The following CCDC30 variants were observed in gnomAD, a reference collection of about 807,000 sequenced individuals.
The protein encoded by CCDC30 is coiled-coil domain-containing protein 30.
In CCDC30, 70 loss-of-function variants were observed where a neutral mutation model predicts 100.2. The observed-to-expected ratio is 0.70, with a 90% CI of 0.58 to 0.85. The LOEUF is 0.85. Among genes scored for constraint, CCDC30 ranks in the 40% least tolerant of loss-of-function variants. The pLI is 0.00. For missense variants in CCDC30, 652 were observed against 771.2 expected (o/e 0.85, Z 1.83); for synonymous variants, 233 against 269.5 (o/e 0.86, Z 1.33).
chr1:42,569,417 C>T (rs1206637538), intron 7 of CCDC30, among the ~76,000 whole-genome samples: 1 of 152,116 alleles, frequency 6.6e-6, no homozygotes, highest in Admixed American at 6.5e-5. Flanking sequence ...CAAATCAAAA[C>T]CACAATGAGA....
chr1:42,516,652 A>G (rs746888376), intron 6 of CCDC30, among the ~76,000 whole-genome samples: 1 of 148,230 alleles, frequency 6.7e-6, no homozygotes, highest in Non-Finnish European at 1.5e-5. Context: ...TCTTGCTCAT[A>G]TCTGCTCCTC....
chr1:42,463,008 C>A (rs540286067), upstream of CCDC30, among the ~76,000 whole-genome samples: 1 of 151,390 alleles, frequency 6.6e-6, no homozygotes, highest in South Asian at 2.1e-4. Context: ...TGAGTCCTGG[C>A]GGGAAGTTCT....
chr1:42,557,545 T>C (rs1436683312), intron 6 of CCDC30, among the ~76,000 whole-genome samples: 1 of 150,618 alleles, frequency 6.6e-6, no homozygotes, highest in East Asian at 1.9e-4. Context: ...AACTTGCCAT[T>C]GGGACCAGTA....
At chr1:42,569,509 A>C (rs1253606615) in intron 7 of CCDC30, among the ~76,000 whole-genome samples, 1 of 152,190 alleles carries the variant, frequency 6.6e-6, no homozygotes, top group African/African-American at 2.4e-5. Context: ...TGAAATAGGA[A>C]CGCTTTTACA....
intron 6 of CCDC30, among the ~76,000 whole-genome samples, chr1:42,516,217 G>T (rs1644552346): frequency 6.6e-6 from 1 of 152,046 alleles, no homozygotes; most frequent in South Asian, 2.1e-4. Context: ...GTTGTTGTCT[G>T]TTTTTTTCAT....
chr1:42,482,686 A>G, exon 3 of CCDC30: 1 of 1,234,030 alleles, frequency 8.1e-7, no homozygotes, highest in Non-Finnish European at 1.0e-6. Flanking sequence ...ACCTGGAAAA[A>G]GACAAAACAT....
chr1:42,512,390 G>C (rs1018113551), intron 6 of CCDC30, among the ~76,000 whole-genome samples: 13 of 152,186 alleles, frequency 8.5e-5, no homozygotes, highest in African/African-American at 3.1e-4. Flanking sequence ...GGCAGAGAGT[G>C]ACCTGGAAAT....
intron 6 of CCDC30, among the ~76,000 whole-genome samples, chr1:42,525,560 G>T (rs1026625004): frequency 1.3e-5 from 2 of 151,958 alleles, no homozygotes; most frequent in African/African-American, 4.8e-5. Flanking sequence ...TCTATTCACT[G>T]ATTTTTTTCC....
At chr1:42,546,442 A>ATATG in intron 6 of CCDC30, among the ~76,000 whole-genome samples, 1 of 120,802 alleles carries the variant, frequency 8.3e-6, no homozygotes, top group African/African-American at 2.9e-5. Context: ...ATATATATAT[A>ATATG]GTATTCTAAT....
intron 6 of CCDC30, among the ~76,000 whole-genome samples, chr1:42,528,185 G>T (rs1416942503): frequency 6.6e-6 from 1 of 152,152 alleles, no homozygotes; most frequent in Non-Finnish European, 1.5e-5. Flanking sequence ...TTTTCTAGTG[G>T]CAATGAAGTC....
chr1:42,507,671 G>A (rs1644416205), intron 6 of CCDC30, among the ~76,000 whole-genome samples: 2 of 152,124 alleles, frequency 1.3e-5, no homozygotes, highest in African/African-American at 4.8e-5. Flanking sequence ...TAACTTTAAT[G>A]TGAAACCTGG....
intron 12 of CCDC30, among the ~76,000 whole-genome samples, chr1:42,637,677 A>G (rs1647186850): frequency 6.6e-6 from 1 of 152,134 alleles, no homozygotes; most frequent in Non-Finnish European, 1.5e-5. Flanking sequence ...AGACTTCCAA[A>G]CCACTCTCAG....
At chr1:42,538,143 T>G (rs1644940860) in intron 6 of CCDC30, among the ~76,000 whole-genome samples, 1 of 97,242 alleles carries the variant, frequency 1.0e-5, no homozygotes, top group Non-Finnish European at 1.8e-5. Context: ...TGGGACACTG[T>G]CTCCACAAAA....
At chr1:42,471,671 C>G (rs1458770576) in intron 1 of CCDC30, among the ~76,000 whole-genome samples, 1 of 151,980 alleles carries the variant, frequency 6.6e-6, no homozygotes, top group African/African-American at 2.4e-5. Context: ...GAGTGGGGAC[C>G]AGGTGAAGGA....
At chr1:42,517,810 A>G (rs1478049803) in intron 6 of CCDC30, among the ~76,000 whole-genome samples, 2 of 152,136 alleles carry the variant, frequency 1.3e-5, no homozygotes, top group Non-Finnish European at 2.9e-5. Flanking sequence ...TGGGATGTCT[A>G]TTGTATTCCC....
chr1:42,638,757 T>C (rs1647213930), intron 12 of CCDC30, among the ~76,000 whole-genome samples: 1 of 152,034 alleles, frequency 6.6e-6, no homozygotes, highest in Non-Finnish European at 1.5e-5. Context: ...ATGCCTGTAA[T>C]TCCAGCTACT....
intron 6 of CCDC30, among the ~76,000 whole-genome samples, chr1:42,505,171 C>T (rs1372051588): frequency 6.6e-6 from 1 of 152,092 alleles, no homozygotes; most frequent in East Asian, 1.9e-4. Context: ...TAGAATTTCC[C>T]TTTTGGAAGG....
At chr1:42,595,809 T>C (rs377456717) in intron 10 of CCDC30, among the ~76,000 whole-genome samples, 3 of 152,208 alleles carry the variant, frequency 2.0e-5, no homozygotes, top group African/African-American at 7.2e-5. Context: ...ATTCCTGCTA[T>C]CATGCACCTT....
rs115071735 is a variant in CCDC30 at position 42,548,448 on chromosome 1, A to G, written c.457-17848A>G. 3.6e-3 allele frequency among the ~76,000 whole-genome samples: 543 copies of G among 152,320 alleles called. 8 individuals are homozygous for G. Among genetic ancestry groups the G allele is most frequent in the African/African-American group, 0.013 (527 of 41,564 alleles). On this transcript the variant is annotated intron_variant, in intron 6 of 16. Transcript: ENST00000668663. ...CCATTTTATTTAGACAGTGATTGAA[A>G]TAATGAACTCTAAACTCTATATTGG...
Sources: gnomAD v4.1 joint callset for allele counts (sites outside exome capture counted in the v4.1 genomes callset) on GRCh38, gnomAD v4.1.1 for gene constraint, MANE v1.5 for transcripts, NCBI Gene and HGNC (gene_info 2026-07-23, HGNC 2026-07-21) for gene names.